AGBL3: variants seen among roughly 807,000 people sequenced by gnomAD.
AGBL3 encodes the protein cytosolic carboxypeptidase 3.
Under a neutral mutation model 94.5 loss-of-function variants are expected in AGBL3, and 68 were observed. The observed-to-expected ratio is 0.72, with a 90% confidence interval of 0.59 to 0.88. AGBL3 has a LOEUF of 0.88. Ranked by LOEUF, AGBL3 falls within the 40% of genes least tolerant of loss-of-function variation. The probability of loss-of-function intolerance (pLI) is 0.00; values close to 1 mark genes in which losing one functional copy is unlikely to be tolerated. For missense variants in AGBL3, 934 were observed against 1,103.8 expected (o/e 0.85, Z 2.18); for synonymous variants, 354 against 370.7 (o/e 0.95, Z 0.52).
intron 4 of AGBL3, among the ~76,000 whole-genome samples, chr7:135,012,960 A>T (rs537469006): frequency 6.6e-6 from 1 of 152,182 alleles, no homozygotes; most frequent in Non-Finnish European, 1.5e-5. Context: ...ATCAAAATTT[A>T]AAATTTCTCA....
chr7:134,989,372 T>G, intron 3 of AGBL3, 62 bp downstream of exon 3: 1 of 1,166,176 alleles, frequency 8.6e-7, no homozygotes, highest in African/African-American at 1.6e-5. Flanking sequence ...AAAAAGAAGA[T>G]GAGGAAACTA....
At chr7:135,097,818 T>C (rs1020469522) in intron 15 of AGBL3, among the ~76,000 whole-genome samples, 11 of 152,066 alleles carry the variant, frequency 7.2e-5, no homozygotes, top group African/African-American at 2.7e-4. Context: ...AAAAATGACA[T>C]TTGGGAAGAA....
chr7:135,054,233 A>G (rs1818138384), intron 11 of AGBL3, among the ~76,000 whole-genome samples: 2 of 152,238 alleles, frequency 1.3e-5, no homozygotes, highest in African/African-American at 2.4e-5. Flanking sequence ...AGAAATAAAG[A>G]TAAGTAAATT....
At chr7:135,004,585 T>C (rs1311411629) in intron 4 of AGBL3, among the ~76,000 whole-genome samples, 1 of 151,358 alleles carries the variant, frequency 6.6e-6, no homozygotes, top group Non-Finnish European at 1.5e-5. Flanking sequence ...GTTTCTTCTT[T>C]GTTACATCTA....
intron 5 of AGBL3, among the ~76,000 whole-genome samples, chr7:135,020,749 G>A (rs1814340593): frequency 6.6e-6 from 1 of 152,064 alleles, no homozygotes; most frequent in South Asian, 2.1e-4. Flanking sequence ...ATGAGTTCAT[G>A]TCCCTTGTAG....
rs553057236 is a variant in AGBL3 at position 135,033,652 on chromosome 7, T to C, written c.558-497T>C. 2.0e-5 allele frequency among the ~76,000 whole-genome samples: 3 copies of C among 152,336 alleles called. 1 individual carries two copies. The highest frequency in any genetic ancestry group is 4.1e-4 in the South Asian group (2 of 4,834). ...CTAAGTAAAGGGATGCAAATAGTTA[T>C]CGAATGCAGTTCTTGTTCTCAAATA... On this transcript the variant is annotated intron_variant, in intron 6 of 16. Coordinates refer to ENST00000436302, the MANE Select transcript of AGBL3 (RefSeq NM_178563.4).
intron 4 of AGBL3, among the ~76,000 whole-genome samples, chr7:135,000,925 T>A (rs1811637923): frequency 6.6e-6 from 1 of 152,162 alleles, no homozygotes; most frequent in Non-Finnish European, 1.5e-5. Flanking sequence ...TGATTAAAGG[T>A]GTACTCTATT....
chr7:134,994,369 A>G (rs1261195409), intron 4 of AGBL3, among the ~76,000 whole-genome samples: 1 of 152,070 alleles, frequency 6.6e-6, no homozygotes, highest in African/African-American at 2.4e-5. Context: ...ACTGAAGAGT[A>G]TATATTTTAG....
intron 4 of AGBL3, among the ~76,000 whole-genome samples, chr7:135,012,673 A>C (rs929118752): frequency 6.6e-6 from 1 of 152,182 alleles, no homozygotes; most frequent in Non-Finnish European, 1.5e-5. Context: ...AAAGGCACCA[A>C]AGAAACCCAA....
At chr7:135,021,746 G>A (rs1469726694) in intron 5 of AGBL3, among the ~76,000 whole-genome samples, 1 of 150,722 alleles carries the variant, frequency 6.6e-6, no homozygotes, top group African/African-American at 2.4e-5. Flanking sequence ...GTAGTTTGCT[G>A]GACCTATCAA....
chr7:135,115,269 C>G lies in AGBL3; in HGVS notation c.2111-111C>G, dbSNP rs549192523. 6.1e-6 allele frequency: 4 copies of G among 652,364 alleles called. No homozygotes were observed. In the East Asian group the frequency reaches 1.1e-4, roughly 18 times the overall value. 40.4% of individuals were successfully genotyped at this position (652,364 alleles called of 1,614,324 possible). ...CTGCCCACTGTCATTAAAGTACAAG[C>G]TTCAGATGGGCAAGGAATTTTAGAT... On this transcript the variant is annotated intron_variant, in intron 15 of 16. Coordinates refer to ENST00000436302, the MANE Select transcript of AGBL3 (RefSeq NM_178563.4).
intron 13 of AGBL3, 87 bp downstream of exon 13, chr7:135,076,555 C>T (rs751868017): frequency 1.4e-5 from 14 of 1,020,722 alleles, no homozygotes; most frequent in African/African-American, 3.3e-5. Context: ...TTCTTATACC[C>T]GAATTTTCCC....
chr7:135,025,001 A>C (rs985580592), intron 5 of AGBL3, among the ~76,000 whole-genome samples: 1 of 151,626 alleles, frequency 6.6e-6, no homozygotes, highest in Non-Finnish European at 1.5e-5. Context: ...ACCCATTGGC[A>C]TTCCTGAGAG....
chr7:135,077,610 A>T (rs548905980), intron 13 of AGBL3, among the ~76,000 whole-genome samples: 70 of 152,260 alleles, frequency 4.6e-4, no homozygotes, highest in Non-Finnish European at 7.8e-4. Flanking sequence ...GAGGACAAAT[A>T]TATTACTGGT....
chr7:135,108,948 A>G (rs1459084655), intron 15 of AGBL3, among the ~76,000 whole-genome samples: 1 of 152,168 alleles, frequency 6.6e-6, no homozygotes, highest in Non-Finnish European at 1.5e-5. Flanking sequence ...TCAAGCTCCA[A>G]GATTCTTTCC....
rs963684360 is a variant in AGBL3 at position 135,033,082 on chromosome 7, T to C, written c.557+100T>C. ...TTAGTATCCATTATGAAACTGTAAT[T>C]CCTTGAAGTATGGATACTATTAATA... On this transcript the variant is annotated intron_variant, in intron 6 of 16. Transcript: ENST00000436302. The C allele has an allele frequency of 2.6e-6, 3 of 1,174,842 alleles. No individual in the cohort carries two copies. The East Asian group carries it at 8.2e-5, about 32-fold the overall frequency. 72.8% of individuals were successfully genotyped at this position (1,174,842 alleles called of 1,614,324 possible).
At chr7:135,044,604 A>G (rs889170365) in intron 9 of AGBL3, among the ~76,000 whole-genome samples, 14 of 152,174 alleles carry the variant, frequency 9.2e-5, no homozygotes, top group African/African-American at 1.4e-4. Flanking sequence ...GCATATCCTA[A>G]CATGGTTAGA....
At position 135,082,334 on chromosome 7, in the gene AGBL3, C is replaced by T. The variant is rs1820989239; in HGVS notation, c.2110+544C>T. Reference sequence around the variant, plus strand: ...AAATAATGCAATTGTAATACCTTCTCTATTTTTTAAAAAGCTGTCATTTAT... The same window carrying T: ...AAATAATGCAATTGTAATACCTTCTTTATTTTTTAAAAAGCTGTCATTTAT... On this transcript the variant is annotated intron_variant, in intron 15 of 16. Coordinates refer to ENST00000436302, the MANE Select transcript of AGBL3 (RefSeq NM_178563.4). Among the ~76,000 whole-genome samples, 3 of 152,190 alleles carry T rather than the reference C, an allele frequency of 2.0e-5. No individual in the cohort carries two copies. The South Asian group carries it at 6.2e-4, about 32-fold the overall frequency.
intron 15 of AGBL3, chr7:135,093,201 A>C (rs184138495): frequency 6.7e-6 from 1 of 149,862 alleles, no homozygotes; most frequent in Middle Eastern, 3.2e-3. Context: ...TAAGGCAAGA[A>C]AAAAAAAAAG....
Sources: allele counts gnomAD v4.1 joint callset (sites outside exome capture counted in the v4.1 genomes callset), GRCh38; gene constraint gnomAD v4.1.1; transcripts MANE v1.5; gene names NCBI Gene and HGNC (gene_info 2026-07-23, HGNC 2026-07-21).